MED13L: variants seen among roughly 807,000 people sequenced by gnomAD.
MED13L encodes the protein mediator complex subunit 13L, also known as mediator of RNA polymerase II transcription subunit 13-like.
Under a neutral mutation model 220.9 loss-of-function variants are expected in MED13L, and 7 were observed. The observed-to-expected ratio is 0.03, with a 90% CI of 0.02 to 0.06. The LOEUF is 0.06. MED13L is among the 10% of genes least tolerant of loss of function. The pLI, the probability that MED13L is intolerant of heterozygous loss-of-function variation, is 1.00. For missense variants in MED13L, 1,965 were observed against 2,760.5 expected (o/e 0.71, Z 6.46); for synonymous variants, 1,011 against 1,015.2 (o/e 1.00, Z 0.08).
At chr12:116,132,097 T>C (rs561975070) in intron 2 of MED13L, among the ~76,000 whole-genome samples, 1 of 151,900 alleles carries the variant, frequency 6.6e-6, no homozygotes, top group African/African-American at 2.4e-5. Flanking sequence ...TGGCCAACAC[T>C]GTGAAACCCC....
chr12:116,053,697 A>G (rs1257047503), intron 4 of MED13L, among the ~76,000 whole-genome samples: 2 of 152,184 alleles, frequency 1.3e-5, no homozygotes, highest in Admixed American at 6.5e-5. Flanking sequence ...GGGCAAAGTC[A>G]TACTTTAGAT....
intron 4 of MED13L, among the ~76,000 whole-genome samples, chr12:116,057,326 C>G (rs1229410573): frequency 1.3e-5 from 2 of 152,068 alleles, no homozygotes; most frequent in Admixed American, 6.6e-5. Context: ...ACAAAAAGAT[C>G]AGCAGTAAGC....
chr12:116,185,652 G>GCTTTTCTTTTCTTTTCTTTT (rs11274833), intron 2 of MED13L, among the ~76,000 whole-genome samples: 25 of 140,028 alleles, frequency 1.8e-4, no homozygotes, highest in African/African-American at 6.4e-4. Context: ...TTCATCACAT[G>GCTTTTCTTTTCTTTTCTTTT]CTTTTCTTTT....
At chr12:116,171,308 T>C (rs1218216508) in intron 2 of MED13L, among the ~76,000 whole-genome samples, 1 of 152,192 alleles carries the variant, frequency 6.6e-6, no homozygotes, top group East Asian at 1.9e-4. Context: ...GAGATTTCTT[T>C]CAGCTGCAAA....
rs746270812 is a variant in MED13L, at chr12:116,022,444, A to G, written c.625+12T>C. On this transcript the variant is annotated intron_variant, in intron 5 of 30. Transcript: ENST00000281928. Reference sequence around the variant, plus strand: ...GCGGATAGGGGTGGAGAGCAGGAACACCCATACTTACCTTGAAATGGTGCA... The same window carrying G: ...GCGGATAGGGGTGGAGAGCAGGAACGCCCATACTTACCTTGAAATGGTGCA... 9 of 1,613,494 alleles carry G rather than the reference A, an allele frequency of 5.6e-6. No homozygotes were observed. The highest frequency in any genetic ancestry group is 7.6e-6 in the Non-Finnish European group (9 of 1,179,664).
At chr12:115,969,191 T>C in intron 27 of MED13L, 94 bp from the exon 28 acceptor site, 1 of 1,388,678 alleles carries the variant, frequency 7.2e-7, no homozygotes, top group Non-Finnish European at 1.0e-6. Flanking sequence ...TCATGTTTTG[T>C]TGGCATATGG....
chr12:116,241,608 C>T (rs1169653997), intron 1 of MED13L, among the ~76,000 whole-genome samples: 1 of 152,054 alleles, frequency 6.6e-6, no homozygotes, highest in African/African-American at 2.4e-5. Context: ...TACATCTATG[C>T]TCTCAGTGGC....
In MED13L at chr12:116,019,942, G is replaced by A. The variant is rs191743300; in HGVS notation, c.656C>T (p.Thr219Met). The A allele has an allele frequency of 1.6e-4, 251 of 1,613,522 alleles. No individual in the cohort carries two copies. The highest frequency in any genetic ancestry group is 4.0e-4 in the East Asian group (18 of 44,834). ...CATCTTGTATGCTTGGCCTGTTAGCGTCCCATTTAAGCCATAAGGACTTAC... is the reference window on the plus strand; with the variant it reads ...CATCTTGTATGCTTGGCCTGTTAGCATCCCATTTAAGCCATAAGGACTTAC... ...VLVSPYGLNG[T>M]LTGQAYKMSD... Residue 219 changes from threonine (T) to methionine (M), a missense_variant, in exon 6 of 31, where the codon ACG becomes ATG. Physicochemically the swap from Thr to Met is moderately conservative, Grantham distance 81 (BLOSUM62 -1). Coordinates refer to ENST00000281928, the MANE Select transcript of MED13L (RefSeq NM_015335.5).
chr12:116,106,260 C>A (rs1214958117), intron 3 of MED13L, among the ~76,000 whole-genome samples: 1 of 152,046 alleles, frequency 6.6e-6, no homozygotes, highest in East Asian at 1.9e-4. Context: ...ACTGGATGGA[C>A]TTCTGGAAGG....
intron 4 of MED13L, among the ~76,000 whole-genome samples, chr12:116,050,507 A>G (rs1868392189): frequency 1.3e-5 from 2 of 152,196 alleles, no homozygotes; most frequent in South Asian, 4.1e-4. Context: ...AAAGTTGTAA[A>G]ATTAACTAAA....
chr12:116,150,912 A>T (rs1877986919), intron 2 of MED13L, among the ~76,000 whole-genome samples: 1 of 152,140 alleles, frequency 6.6e-6, no homozygotes, highest in African/African-American at 2.4e-5. Context: ...TATCGCTACC[A>T]GATGTTCTGA....
intron 26 of MED13L, 142 bp from the exon 27 acceptor site, chr12:115,970,912 T>C: frequency 1.2e-6 from 1 of 816,996 alleles, no homozygotes; most frequent in Non-Finnish European, 2.0e-6. Context: ...ATTGTTTAAA[T>C]ATCTTCAAAG....
chr12:116,006,518 A>C (rs1290695384), intron 11 of MED13L, 107 bp from the exon 12 acceptor site: 5 of 878,412 alleles, frequency 5.7e-6, no homozygotes, highest in Non-Finnish European at 9.5e-6. Flanking sequence ...TGTTATGAGC[A>C]CAAGTATGAT....
chr12:115,982,324 A>AT (rs764415636), intron 22 of MED13L, 60 bp downstream of exon 22: 1 of 1,526,086 alleles, frequency 6.6e-7, no homozygotes, highest in South Asian at 1.1e-5. Context: ...GCCTGTATTT[A>AT]TTTTCATAAC....
chr12:116,033,061 T>A (rs1000735884), intron 4 of MED13L, among the ~76,000 whole-genome samples: 2 of 151,404 alleles, frequency 1.3e-5, no homozygotes. Flanking sequence ...AGGACTGTGG[T>A]GTATGAGTTT....
At chr12:116,271,882 T>C (rs1873388328) in intron 1 of MED13L, among the ~76,000 whole-genome samples, 1 of 152,074 alleles carries the variant, frequency 6.6e-6, no homozygotes, top group Non-Finnish European at 1.5e-5. Context: ...GTGAAATAAA[T>C]GTATCATTCA....
chr12:116,036,530 G>GT (rs1566023480), intron 4 of MED13L, among the ~76,000 whole-genome samples: 2 of 152,158 alleles, frequency 1.3e-5, no homozygotes, highest in African/African-American at 4.8e-5. Flanking sequence ...CTTTCAAAAC[G>GT]TATTATGAAT....
rs557854580 is a variant in MED13L at position 116,243,163 on chromosome 12, G to A, written c.73-5458C>T. 1.5e-3 allele frequency among the ~76,000 whole-genome samples: 228 copies of A among 147,572 alleles called. 2 individuals carry two copies. Among genetic ancestry groups the A allele is most frequent in the Middle Eastern group, 7.1e-3 (2 of 280 alleles). ...CTAATTCTTAGATAATATGTACAAC[G>A]AACCAACAAAATCACTATTCTGATA... On this transcript the variant is annotated intron_variant, in intron 1 of 30. Transcript: ENST00000281928.
At chr12:116,222,946 C>T (rs1041282439) in intron 2 of MED13L, among the ~76,000 whole-genome samples, 1 of 152,174 alleles carries the variant, frequency 6.6e-6, no homozygotes, top group South Asian at 2.1e-4. Flanking sequence ...TCTGTTGCCA[C>T]GACACTTACA....
Sources: gnomAD v4.1 joint callset for allele counts (sites outside exome capture counted in the v4.1 genomes callset) on GRCh38, gnomAD v4.1.1 for gene constraint, MANE v1.5 for transcripts, NCBI Gene and HGNC (gene_info 2026-07-23, HGNC 2026-07-21) for gene names.